NUDT7: variants seen among roughly 807,000 people sequenced by gnomAD.
NUDT7 encodes peroxisomal coenzyme A diphosphatase NUDT7.
In NUDT7, 19 loss-of-function variants were observed where a neutral mutation model predicts 13.1. That is an observed-to-expected ratio of 1.45 (90% CI 1.01 to 2.13). The LOEUF (loss-of-function observed/expected upper bound fraction) is 2.13. NUDT7 is among the 30% of genes most tolerant of loss of function. The pLI is 0.00. For synonymous variants in NUDT7, 132 were observed against 109.7 expected, an observed-to-expected ratio of 1.20 and a Z score of -1.27; for missense variants, 360 against 291.7, an observed-to-expected ratio of 1.23 and a Z score of -1.71.
chr16:77,740,140 G>A (rs1349352856), intron 3 of NUDT7, among the ~76,000 whole-genome samples: 2 of 152,100 alleles, frequency 1.3e-5, no homozygotes, highest in African/African-American at 4.8e-5. Context: ...CTGCCCTCGG[G>A]TAACTTAATG....
At chr16:77,729,907 T>C (rs2014258501) in intron 2 of NUDT7, among the ~76,000 whole-genome samples, 1 of 152,094 alleles carries the variant, frequency 6.6e-6, no homozygotes, top group African/African-American at 2.4e-5. Context: ...TTTTGAAGTA[T>C]ATATTCACTA....
intron 1 of NUDT7, 61 bp from the exon 2 acceptor site, chr16:77,725,370 T>G: frequency 3.4e-6 from 5 of 1,483,632 alleles, no homozygotes; most frequent in Non-Finnish European, 4.6e-6. Context: ...GAGGCAGGAC[T>G]ATAAGCTTTT....
chr16:77,735,912 G>A lies in NUDT7; in HGVS notation c.274G>A (p.Glu92Lys), dbSNP rs773752111. The change falls in exon 3 of 4, where the codon GAA becomes AAA. Residue 92 changes from glutamate to lysine, a missense_variant. Glu to Lys is a moderately conservative substitution (Grantham distance 56). Transcript: ENST00000268533. ...GGATGATGCAGCCACAGCTCTCCGG[G>A]AAGCCCAGGAGGAAGTGGGTCTCCG... ...DMDDAATALREAQEEVGLRPH... is the reference protein window; with the variant it reads ...DMDDAATALRKAQEEVGLRPH... 2 of 1,614,132 alleles carry A rather than the reference G, an allele frequency of 1.2e-6. No homozygotes were observed. Among genetic ancestry groups the A allele is most frequent in the Admixed American group, 1.7e-5 (1 of 60,016 alleles).
chr16:77,739,156 C>T (rs894511269), intron 3 of NUDT7, among the ~76,000 whole-genome samples: 1 of 152,144 alleles, frequency 6.6e-6, no homozygotes, highest in South Asian at 2.1e-4. Flanking sequence ...GGGGCCTGAT[C>T]CAGACCCTAA....
chr16:77,738,452 G>A (rs1041411546), intron 3 of NUDT7, among the ~76,000 whole-genome samples: 5 of 152,054 alleles, frequency 3.3e-5, no homozygotes, highest in Non-Finnish European at 7.4e-5. Context: ...TTGTTTTTTG[G>A]CCCCTGCTAA....
At chr16:77,722,933 G>T (rs2014006801) in intron 1 of NUDT7, among the ~76,000 whole-genome samples, 1 of 152,120 alleles carries the variant, frequency 6.6e-6, no homozygotes, top group African/African-American at 2.4e-5. Flanking sequence ...GCACAGACCC[G>T]CAGCAGGCAG....
At chr16:77,729,774 G>A (rs368270900) in intron 2 of NUDT7, among the ~76,000 whole-genome samples, 97 of 152,208 alleles carry the variant, frequency 6.4e-4, no homozygotes, top group African/African-American at 2.0e-3. Context: ...GCAGTGAACC[G>A]AGATTATCCC....
chr16:77,730,947 T>G (rs762097344), intron 2 of NUDT7, among the ~76,000 whole-genome samples: 1 of 152,020 alleles, frequency 6.6e-6, no homozygotes, highest in Non-Finnish European at 1.5e-5. Context: ...ATTATTGATA[T>G]TGAGTTGAGT....
intron 2 of NUDT7, among the ~76,000 whole-genome samples, chr16:77,729,642 A>G (rs549445623): frequency 2.8e-3 from 421 of 152,264 alleles, no homozygotes; most frequent in Non-Finnish European, 4.4e-3. Flanking sequence ...CCTGGCCAAC[A>G]TGGTGAAACC....
intron 3 of NUDT7, among the ~76,000 whole-genome samples, chr16:77,740,991 T>G (rs1443237575): frequency 6.6e-6 from 1 of 152,232 alleles, no homozygotes; most frequent in Non-Finnish European, 1.5e-5. Flanking sequence ...TACTATGAAA[T>G]TTTTCCATAA....
At chr16:77,737,013 A>C (rs1349271040) in intron 3 of NUDT7, among the ~76,000 whole-genome samples, 3 of 151,874 alleles carry the variant, frequency 2.0e-5, no homozygotes, top group Non-Finnish European at 2.9e-5. Flanking sequence ...AACCATAGGA[A>C]ACTAGACCAT....
In NUDT7 at chr16:77,722,555, C is replaced by T. The variant is rs554150697; in HGVS notation, c.-28C>T. 3.2e-6 allele frequency: 5 copies of T among 1,572,018 alleles called. No individual in the cohort carries two copies. In the African/African-American group the frequency reaches 5.4e-5, roughly 17 times the overall value. On this transcript the variant is annotated 5_prime_UTR_variant, in exon 1 of 4. Coordinates refer to ENST00000268533, the MANE Select transcript of NUDT7 (RefSeq NM_001105663.3). ...ACCGACCGAGCAGCTCCGAGGAGTC[C>T]GCCCGGAAACAAACATTCCCCAGGG... is the stretch of plus-strand genomic sequence containing the variant.
chr16:77,732,825 C>CTG (rs113743258), intron 2 of NUDT7, among the ~76,000 whole-genome samples: 14,612 of 152,150 alleles, frequency 0.096, 806 homozygotes, highest in African/African-American at 0.15. Flanking sequence ...CATATCAGGT[C>CTG]TGTTTCTGTC....
At chr16:77,734,988 G>A (rs1461928837) in intron 2 of NUDT7, among the ~76,000 whole-genome samples, 2 of 152,138 alleles carry the variant, frequency 1.3e-5, no homozygotes, top group Non-Finnish European at 2.9e-5. Flanking sequence ...TTACTTTTAT[G>A]TGAATTTCAC....
chr16:77,726,820 G>C (rs2014151797), intron 2 of NUDT7, among the ~76,000 whole-genome samples: 1 of 151,990 alleles, frequency 6.6e-6, no homozygotes, highest in East Asian at 1.9e-4. Flanking sequence ...GAAAGAAAAA[G>C]AAATATCTGA....
Position 77,725,692 on chromosome 16 carries a change from C to A in NUDT7, c.189+108C>A, listed in dbSNP as rs1209632850. On this transcript the variant is annotated intron_variant, in intron 2 of 3. Transcript: ENST00000268533. Reference sequence around the variant, plus strand: ...ATGCCAAAATTCTCAAAAGGGCTTTCAAAATTGTGATGTCAGAGGCATACA... The same window carrying A: ...ATGCCAAAATTCTCAAAAGGGCTTTAAAAATTGTGATGTCAGAGGCATACA... The A allele has an allele frequency of 7.0e-6, 7 of 997,496 alleles. No individual in the cohort carries two copies. The East Asian group carries it at 1.2e-4, about 18-fold the overall frequency. 61.8% of individuals were successfully genotyped at this position (997,496 alleles called of 1,614,324 possible).
chr16:77,741,888 G>A lies in NUDT7; in HGVS notation c.655G>A (p.Val219Ile). The A allele has an allele frequency of 6.2e-7, 1 of 1,613,924 alleles. No homozygotes were observed. Among genetic ancestry groups the A allele is most frequent in the Non-Finnish European group, 8.5e-7 (1 of 1,179,958 alleles). ...TGAGGTTCAATTTAATCTTAATGAT[G>A]TATTAGCATCCTCTGAAGAGTTATT... ...TFEVQFNLND[V>I]LASSEELFLK... The change falls in exon 4 of 4, where the codon GTA becomes ATA. Residue 219 changes from valine (V) to isoleucine (I), a missense_variant. Physicochemically the swap from Val to Ile is conservative, Grantham distance 29. Transcript: ENST00000268533.
intron 3 of NUDT7, chr16:77,736,576 A>G (rs1298030416): frequency 1.1e-5 from 2 of 185,418 alleles, no homozygotes; most frequent in African/African-American, 4.7e-5. Flanking sequence ...CAAAACATTT[A>G]AAATATTTTT....
At chr16:77,735,796 C>A (rs116621697) in intron 2 of NUDT7, 32 bp from the exon 3 acceptor site, 4 of 1,583,174 alleles carry the variant, frequency 2.5e-6, no homozygotes, top group Admixed American at 3.5e-5. Context: ...AATTAGAATC[C>A]CACATTGTAG....
Sources: allele counts gnomAD v4.1 joint callset (sites outside exome capture counted in the v4.1 genomes callset), GRCh38; gene constraint gnomAD v4.1.1; transcripts MANE v1.5; gene names NCBI Gene and HGNC (gene_info 2026-07-23, HGNC 2026-07-21).